GLIS3: variants seen among roughly 807,000 people sequenced by gnomAD.
GLIS3 encodes the protein GLIS family zinc finger 3.
Under a neutral mutation model 78.6 loss-of-function variants are expected in GLIS3, and 53 were observed. That is an observed-to-expected ratio of 0.67 (90% CI 0.54 to 0.85). GLIS3 has a LOEUF of 0.85. GLIS3 is among the 40% of genes least tolerant of loss of function. The probability of loss-of-function intolerance (pLI) is 0.00; values close to 1 mark genes in which losing one functional copy is unlikely to be tolerated. For missense variants in GLIS3, 1,703 were observed against 1,231.1 expected (o/e 1.38, Z -5.74); for synonymous variants, 684 against 509.9 (o/e 1.34, Z -4.60).
At chr9:3,993,201 A>T (rs1820468852) in intron 4 of GLIS3, among the ~76,000 whole-genome samples, 1 of 152,150 alleles carries the variant, frequency 6.6e-6, no homozygotes, top group Admixed American at 6.6e-5. Flanking sequence ...ACCCACTGAC[A>T]ACATACCTGA....
chr9:3,876,076 T>A (rs1162327485), intron 8 of GLIS3, among the ~76,000 whole-genome samples: 2 of 152,126 alleles, frequency 1.3e-5, no homozygotes, highest in African/African-American at 4.8e-5. Flanking sequence ...TAATTCCCCA[T>A]AAGGTGCAAT....
intron 4 of GLIS3, among the ~76,000 whole-genome samples, chr9:3,939,958 A>C (rs887065902): frequency 6.6e-6 from 1 of 152,222 alleles, no homozygotes; most frequent in African/African-American, 2.4e-5. Flanking sequence ...ACTACACCTG[A>C]ATGAACTTGT....
the GLIS3 span, among the ~76,000 whole-genome samples, chr9:4,377,329 G>A: frequency 1.5e-5 from 2 of 135,338 alleles, no homozygotes; most frequent in Non-Finnish European, 3.3e-5. Context: ...CTCCCATGCT[G>A]GATGCTTCCT....
intron 9 of GLIS3, among the ~76,000 whole-genome samples, chr9:3,835,746 A>G (rs1296788251): frequency 1.3e-5 from 2 of 152,256 alleles, no homozygotes; most frequent in East Asian, 1.9e-4. Context: ...TTCACACCCT[A>G]TAACTGTTAC....
chr9:4,008,605 G>A (rs1446146674), intron 4 of GLIS3, among the ~76,000 whole-genome samples: 1 of 152,160 alleles, frequency 6.6e-6, no homozygotes. Flanking sequence ...GCCAGCTGGT[G>A]ACTCTCAGAA....
intron 2 of GLIS3, among the ~76,000 whole-genome samples, chr9:4,142,301 T>C (rs1387300536): frequency 6.6e-6 from 1 of 152,242 alleles, no homozygotes; most frequent in African/African-American, 2.4e-5. Flanking sequence ...ATCAAGTTGA[T>C]AGCTTATTCC....
At chr9:3,912,248 T>G (rs1824204831) in intron 6 of GLIS3, among the ~76,000 whole-genome samples, 1 of 152,192 alleles carries the variant, frequency 6.6e-6, no homozygotes, top group Admixed American at 6.5e-5. Context: ...AGACCTTTCT[T>G]AGTAACTCAC....
the GLIS3 span, among the ~76,000 whole-genome samples, chr9:4,368,757 G>A: frequency 6.6e-6 from 1 of 152,172 alleles, no homozygotes; most frequent in Non-Finnish European, 1.5e-5. Flanking sequence ...TTTAAGAAGA[G>A]GAGGATAGTA....
At chr9:3,864,873 G>C (rs1820470483) in intron 8 of GLIS3, among the ~76,000 whole-genome samples, 1 of 152,136 alleles carries the variant, frequency 6.6e-6, no homozygotes, top group Non-Finnish European at 1.5e-5. Flanking sequence ...ACCTTATCTA[G>C]TTCTACGAGA....
At chr9:4,479,762 G>T in the GLIS3 span, among the ~76,000 whole-genome samples, 8 of 152,032 alleles carry the variant, frequency 5.3e-5, no homozygotes, top group African/African-American at 1.9e-4. Context: ...TGGGGAGTGG[G>T]AGACAGAGCT....
At chr9:4,222,110 G>A (rs1821377941) in intron 2 of GLIS3, among the ~76,000 whole-genome samples, 1 of 152,130 alleles carries the variant, frequency 6.6e-6, no homozygotes, top group Admixed American at 6.5e-5. Context: ...TAACACCTCT[G>A]GACTCCCTTC....
At chr9:4,175,396 T>G (rs1259024317) in intron 2 of GLIS3, among the ~76,000 whole-genome samples, 5 of 152,166 alleles carry the variant, frequency 3.3e-5, no homozygotes, top group African/African-American at 1.2e-4. Context: ...TGTCTCCTTC[T>G]CCACAGTTCT....
chr9:4,062,376 G>A (rs1007566159), intron 4 of GLIS3, among the ~76,000 whole-genome samples: 16 of 152,166 alleles, frequency 1.1e-4, no homozygotes, highest in African/African-American at 3.4e-4. Context: ...TTCTAAACTC[G>A]TTTTGCTTCT....
chr9:4,115,716 T>C (rs1322261150), intron 4 of GLIS3, among the ~76,000 whole-genome samples: 1 of 152,148 alleles, frequency 6.6e-6, no homozygotes, highest in African/African-American at 2.4e-5. Context: ...AAATGAAGGC[T>C]TCCTGCTAAA....
At chr9:4,473,849 G>C in the GLIS3 span, among the ~76,000 whole-genome samples, 1 of 151,900 alleles carries the variant, frequency 6.6e-6, no homozygotes. Flanking sequence ...AAACACCTTA[G>C]ATACTGAGAG....
the GLIS3 span, among the ~76,000 whole-genome samples, chr9:4,483,539 G>A: frequency 6.6e-6 from 1 of 151,952 alleles, no homozygotes; most frequent in Non-Finnish European, 1.5e-5. Context: ...CCAACATGGT[G>A]AAACCCCATC....
the GLIS3 span, among the ~76,000 whole-genome samples, chr9:4,391,692 A>G: frequency 9.9e-5 from 15 of 152,206 alleles, no homozygotes; most frequent in African/African-American, 2.2e-4. Context: ...GGAAATTCAG[A>G]TAGAGGTTTG....
At chr9:3,988,589 C>A (rs1819963039) in intron 4 of GLIS3, among the ~76,000 whole-genome samples, 1 of 151,998 alleles carries the variant, frequency 6.6e-6, no homozygotes. Flanking sequence ...AATAGACAAC[C>A]CAGACAGGCC....
chr9:4,412,322 G>C, the GLIS3 span, among the ~76,000 whole-genome samples: 1 of 152,170 alleles, frequency 6.6e-6, no homozygotes, highest in South Asian at 2.1e-4. Context: ...AAGTTTTTTA[G>C]TGGACTAAAA....
Sources: allele counts gnomAD v4.1 joint callset (sites outside exome capture counted in the v4.1 genomes callset), GRCh38; gene constraint gnomAD v4.1.1; transcripts MANE v1.5; gene names NCBI Gene and HGNC (gene_info 2026-07-23, HGNC 2026-07-21).